OSMR: variants seen among roughly 807,000 people sequenced by gnomAD.
OSMR encodes the protein oncostatin-M-specific receptor subunit beta.
Under a neutral mutation model 99.9 loss-of-function variants are expected in OSMR, and 81 were observed. That is an observed-to-expected ratio of 0.81 (90% CI 0.68 to 0.97). OSMR has a LOEUF of 0.97. OSMR is among the 50% of genes least tolerant of loss of function. OSMR has a pLI of 0.00. For missense variants in OSMR, 1,099 were observed against 1,153.4 expected, an observed-to-expected ratio of 0.95 and a Z score of 0.68; for synonymous variants, 406 against 410.4, an observed-to-expected ratio of 0.99 and a Z score of 0.13.
intron 9 of OSMR, among the ~76,000 whole-genome samples, chr5:38,908,086 C>T (rs775280462): frequency 6.6e-6 from 1 of 152,142 alleles, no homozygotes; most frequent in Non-Finnish European, 1.5e-5. Flanking sequence ...CAGACACCAG[C>T]AACTCTGCCC....
intron 1 of OSMR, among the ~76,000 whole-genome samples, chr5:38,853,154 T>G (rs1387018601): frequency 6.6e-6 from 1 of 152,252 alleles, no homozygotes; most frequent in African/African-American, 2.4e-5. Context: ...ATATCATGCC[T>G]AACAGATTAT....
chr5:38,933,119 G>A lies in OSMR; in HGVS notation c.2615G>A (p.Gly872Asp), dbSNP rs1271128398. 20 of 1,614,044 alleles carry A rather than the reference G, an allele frequency of 1.2e-5. No homozygotes were observed. Among genetic ancestry groups the A allele is most frequent in the Non-Finnish European group, 1.7e-5 (20 of 1,180,022 alleles). Residue 872 changes from glycine to aspartate, a missense_variant, in exon 18 of 18, where the codon GGC (glycine) becomes GAC (aspartate). Gly to Asp is a moderately conservative substitution (Grantham distance 94, BLOSUM62 -1). Transcript: ENST00000274276. ...NQAASDSGSC[G>D]HVPVSPKAPS... Reference sequence around the variant, plus strand: ...GCAGCTTCTGACTCTGGCTCTTGTGGCCATGTTCCAGTATCCCCAAAAGCC... The same window carrying A: ...GCAGCTTCTGACTCTGGCTCTTGTGACCATGTTCCAGTATCCCCAAAAGCC...
rs1746634251 is a variant in OSMR, at chr5:38,929,753, A to G, written c.2213-2130A>G. 2.0e-5 allele frequency among the ~76,000 whole-genome samples: 3 copies of G among 152,326 alleles called. No individual in the cohort carries two copies. The South Asian group carries it at 6.2e-4, about 32-fold the overall frequency. On this transcript the variant is annotated intron_variant, in intron 15 of 17. Coordinates refer to ENST00000274276, the MANE Select transcript of OSMR (RefSeq NM_003999.3). ...CTACATAAACCCTAAAGAAATACCT[A>G]AAGATGTGTACTAATACAGTGATTG... is the stretch of plus-strand genomic sequence containing the variant.
intron 1 of OSMR, among the ~76,000 whole-genome samples, chr5:38,863,919 TCTTTTTC>T (rs1741720418): frequency 1.0e-5 from 1 of 98,532 alleles, no homozygotes; most frequent in Non-Finnish European, 2.5e-5. Context: ...ATAACAACTT[TCTTTTTC>T]TCTTTTTCTG....
At chr5:38,899,398 C>T (rs1317387208) in intron 7 of OSMR, among the ~76,000 whole-genome samples, 1 of 152,104 alleles carries the variant, frequency 6.6e-6, no homozygotes, top group African/African-American at 2.4e-5. Flanking sequence ...ATCAGAGACC[C>T]CAAGAGCCCA....
At chr5:38,939,014 C>T (rs1181122651), downstream of OSMR, 4 of 232,824 alleles carry the variant, frequency 1.7e-5, no homozygotes, top group East Asian at 2.4e-4. Context: ...GAACATTTCC[C>T]AAAGTAGTTT....
rs527731769 is a variant in OSMR at position 38,851,282 on chromosome 5, C to T, written c.-14+4895C>T. 9.1e-4 allele frequency among the ~76,000 whole-genome samples: 139 copies of T among 152,212 alleles called. 3 individuals carry two copies. The highest frequency in any genetic ancestry group is 3.2e-3 in the African/African-American group (134 of 41,538). On this transcript the variant is annotated intron_variant, in intron 1 of 17. Coordinates refer to ENST00000274276, the MANE Select transcript of OSMR (RefSeq NM_003999.3). ...GTTATCTATAATTTCTCTTATTCTG[C>T]CCACCTCCCTCCCTCCATCTCAGCT... is the stretch of plus-strand genomic sequence containing the variant.
In OSMR at chr5:38,886,127, C is replaced by T. The variant is rs1202298900; in HGVS notation, c.928C>T (p.Leu310Phe). The T allele has an allele frequency of 6.2e-7, 1 of 1,614,042 alleles. No homozygotes were observed. Among genetic ancestry groups the T allele is most frequent in the Non-Finnish European group, 8.5e-7 (1 of 1,179,904 alleles). The stretch of plus-strand genomic sequence containing the variant: ...CTCACAAGAAACCTATAACTTCACA[C>T]TCATAGCTGAAAATTACTTAAGGAA... ...QDSQETYNFTLIAENYLRKRS... is the reference protein window; with the variant it reads ...QDSQETYNFTFIAENYLRKRS... The change falls in exon 7 of 18, where the codon CTC (leucine) becomes TTC (phenylalanine). Residue 310 changes from leucine (L) to phenylalanine (F), a missense_variant. Leu to Phe is a conservative substitution (Grantham distance 22). Coordinates refer to ENST00000274276, the MANE Select transcript of OSMR (RefSeq NM_003999.3).
chr5:38,858,085 A>G (rs1466800348), intron 1 of OSMR, among the ~76,000 whole-genome samples: 1 of 152,206 alleles, frequency 6.6e-6, no homozygotes, highest in Non-Finnish European at 1.5e-5. Flanking sequence ...GTCTTTTAGG[A>G]TATCTATCAC....
At chr5:38,861,917 G>A (rs1466321209) in intron 1 of OSMR, among the ~76,000 whole-genome samples, 10 of 124,204 alleles carry the variant, frequency 8.1e-5, no homozygotes, top group Admixed American at 1.5e-4. Flanking sequence ...CTGGCCGGGC[G>A]GGGGGCTGAC....
rs149033559 is a variant in OSMR at position 38,932,703 on chromosome 5, T to C, written c.2367+168T>C. On this transcript the variant is annotated intron_variant, in intron 17 of 17. Transcript: ENST00000274276. The stretch of plus-strand genomic sequence containing the variant: ...AGGTGATTGGAGCTTTGATTTCTTC[T>C]GTCAGGGGAAATCTTTTGGTTTTCA... 4.4e-4 allele frequency: 437 copies of C among 985,394 alleles called. 2 individuals are homozygous for C. In the African/African-American group the frequency reaches 7.0e-3, roughly 16 times the overall value. The allele number at this position is 985,394 out of a possible 1,614,324, so 61.0% of individuals were successfully genotyped here. A position where few individuals can be genotyped will look rare whatever the true frequency, so the allele number is the denominator to read the frequency against.
chr5:38,906,986 T>A (rs1386925764), intron 9 of OSMR, among the ~76,000 whole-genome samples: 2 of 152,210 alleles, frequency 1.3e-5, no homozygotes, highest in East Asian at 3.8e-4. Context: ...GCAGCCAAAA[T>A]TTTTTTAAAC....
At chr5:38,945,076 A>C in exon 3 of OSMR, 1 of 1,576,476 alleles carries the variant, frequency 6.3e-7, no homozygotes, top group Non-Finnish European at 8.7e-7. Context: ...AGTCTGAAGA[A>C]AAAAATAATT....
chr5:38,907,453 A>G (rs1745318167), intron 9 of OSMR, among the ~76,000 whole-genome samples: 1 of 152,172 alleles, frequency 6.6e-6, no homozygotes, highest in African/African-American at 2.4e-5. Flanking sequence ...CAGGGACACA[A>G]ATCCCCCAAG....
chr5:38,926,589 A>G (rs1025824850), intron 15 of OSMR, among the ~76,000 whole-genome samples: 1 of 152,202 alleles, frequency 6.6e-6, no homozygotes, highest in Admixed American at 6.5e-5. Context: ...CTATCATGAG[A>G]ACAGCATGGG....
intron 12 of OSMR, 71 bp downstream of exon 12, chr5:38,921,865 C>A: frequency 7.6e-7 from 1 of 1,316,358 alleles, no homozygotes; most frequent in Non-Finnish European, 1.1e-6. Context: ...GATTTCTGGA[C>A]TACTTCACAG....
At chr5:38,940,577 ATT>A (rs1377890611), downstream of OSMR, 2 of 232,460 alleles carry the variant, frequency 8.6e-6, no homozygotes, top group Non-Finnish European at 1.7e-5. Flanking sequence ...CTTCAACTGG[ATT>A]TTATGAGAGA....
rs942986569 is a variant in OSMR at position 38,919,336 on chromosome 5, T to C, written c.1585+274T>C. On this transcript the variant is annotated intron_variant, in intron 11 of 17. Coordinates refer to ENST00000274276, the MANE Select transcript of OSMR (RefSeq NM_003999.3). ...GGAAATTATCTCAAATTTATTCAAG[T>C]AACTGCAACCCTAACAAACAGTCAC... is the stretch of plus-strand genomic sequence containing the variant. 36 of 1,402,148 alleles carry C rather than the reference T, an allele frequency of 2.6e-5. 1 individual carries two copies. The highest frequency in any genetic ancestry group is 3.2e-5 in the Non-Finnish European group (34 of 1,062,502). The allele number at this position is 1,402,148 out of a possible 1,614,324, so 86.9% of individuals were successfully genotyped here. A position where few individuals can be genotyped will look rare whatever the true frequency, so the allele number is the denominator to read the frequency against.
At position 38,863,412 on chromosome 5, in the gene OSMR, C is replaced by T. The variant is rs1741670841; in HGVS notation, c.-13-5620C>T. Among the ~76,000 whole-genome samples, 2 of 150,848 alleles carry T rather than the reference C, an allele frequency of 1.3e-5. 1 individual carries two copies. Among genetic ancestry groups the T allele is most frequent in the South Asian group, 4.3e-4 (2 of 4,692 alleles). ...ATTAGCTGGGCATGGTGGCATGTGC[C>T]TGTAGTCCCAGCTGCTCAGGAGGCT... On this transcript the variant is annotated intron_variant, in intron 1 of 17. Coordinates refer to ENST00000274276, the MANE Select transcript of OSMR (RefSeq NM_003999.3).
Sources: gnomAD v4.1 joint callset for allele counts (sites outside exome capture counted in the v4.1 genomes callset) on GRCh38, gnomAD v4.1.1 for gene constraint, MANE v1.5 for transcripts, NCBI Gene and HGNC (gene_info 2026-07-23, HGNC 2026-07-21) for gene names.